The following ICE1 variants were observed in gnomAD, a reference collection of about 807,000 sequenced individuals.
ICE1 encodes interactor of little elongation complex ELL subunit 1.
In ICE1, 64 loss-of-function variants were observed where a neutral mutation model predicts 192.7. The ratio of observed to expected loss-of-function variants is 0.33; its 90% CI spans 0.27 to 0.41. The LOEUF (loss-of-function observed/expected upper bound fraction) is 0.41. Ranked by LOEUF, ICE1 falls within the 10% of genes least tolerant of loss-of-function variation. The pLI is 1.00. For missense variants in ICE1, 2,708 were observed against 2,696.0 expected (o/e 1.00, Z -0.10); for synonymous variants, 1,010 against 984.5 (o/e 1.03, Z -0.49).
chr5:5,445,318 G>A (rs186333526), intron 7 of ICE1, among the ~76,000 whole-genome samples: 3 of 152,310 alleles, frequency 2.0e-5, no homozygotes, highest in East Asian at 3.9e-4. Flanking sequence ...CAATATGGCA[G>A]TAAGAATGAT....
intron 10 of ICE1, among the ~76,000 whole-genome samples, chr5:5,454,034 T>C (rs946444861): frequency 1.3e-5 from 2 of 152,208 alleles, no homozygotes; most frequent in African/African-American, 4.8e-5. Flanking sequence ...CATTGATGGA[T>C]TACCTGTAAT....
At chr5:5,486,220 G>A (rs927388223) in intron 17 of ICE1, among the ~76,000 whole-genome samples, 10 of 152,180 alleles carry the variant, frequency 6.6e-5, no homozygotes, top group African/African-American at 1.4e-4. Flanking sequence ...CCCATTTAGC[G>A]AGGTGCCACT....
intron 5 of ICE1, 131 bp from the exon 6 acceptor site, chr5:5,443,037 A>G: frequency 1.8e-6 from 1 of 558,928 alleles, no homozygotes; most frequent in Non-Finnish European, 3.1e-6. Context: ...CTCTATTAAA[A>G]TATTCAGTGA....
At chr5:5,467,386 C>T (rs1235027108) in intron 14 of ICE1, among the ~76,000 whole-genome samples, 1 of 152,078 alleles carries the variant, frequency 6.6e-6, no homozygotes, top group Non-Finnish European at 1.5e-5. Flanking sequence ...GTGGGCTCGG[C>T]CAGGACCACG....
chr5:5,444,331 G>T lies in ICE1; in HGVS notation c.424+5G>T. The T allele has an allele frequency of 6.4e-7, 1 of 1,563,992 alleles. No individual in the cohort carries two copies. On this transcript the variant is annotated splice_donor_5th_base_variant and intron_variant, in intron 7 of 18. Coordinates refer to ENST00000296564, the MANE Select transcript of ICE1 (RefSeq NM_015325.3). ...CTAAGGTGAAGAAGCTGCAAGGTAA[G>T]TGGCACTATTGTTACCTGAAGTTTT...
chr5:5,462,539 A>G lies in ICE1; in HGVS notation c.3205A>G (p.Thr1069Ala). The change falls in exon 13 of 19, where the codon ACT becomes GCT. Residue 1069 changes from threonine (T) to alanine (A), a missense_variant. Around this residue, in one of 2 missense-constraint regions of ICE1, gnomAD observed 2,366 missense variants for 2,276.6 expected, o/e 1.04. Transcript: ENST00000296564. ...GCCTGAGTGTTTTGGCACCACAGACACTACTTTTTCTTCAGCATTTTGCAG... is the reference window on the plus strand; with the variant it reads ...GCCTGAGTGTTTTGGCACCACAGACGCTACTTTTTCTTCAGCATTTTGCAG... ...ALPECFGTTD[T>A]TFSSAFCRKH... is the part of the protein sequence containing the mutation. 6.2e-7 allele frequency: 1 copy of G among 1,614,038 alleles called. No individual in the cohort carries two copies. Among genetic ancestry groups the G allele is most frequent in the South Asian group, 1.1e-5 (1 of 91,074 alleles).
At position 5,422,904 on chromosome 5, in the gene ICE1, G is replaced by A; in HGVS notation, c.-12G>A. The A allele has an allele frequency of 1.4e-6, 2 of 1,381,278 alleles. No individual in the cohort carries two copies. The highest frequency in any genetic ancestry group is 1.6e-5 in the South Asian group (1 of 62,784). 85.6% of individuals were successfully genotyped at this position (1,381,278 alleles called of 1,614,324 possible). On this transcript the variant is annotated 5_prime_UTR_variant, in exon 1 of 19. Transcript: ENST00000296564. ...TGAGGCGTGCGTGCCCACCGGGCCCGGCGGCGGCACCATGATGCCGGGCGA... is the reference window on the plus strand; with the variant it reads ...TGAGGCGTGCGTGCCCACCGGGCCCAGCGGCGGCACCATGATGCCGGGCGA...
chr5:5,425,965 G>A (rs1218994337), intron 1 of ICE1, among the ~76,000 whole-genome samples: 4 of 152,218 alleles, frequency 2.6e-5, no homozygotes, highest in Non-Finnish European at 5.9e-5. Context: ...AAATGACCAT[G>A]AGAACTGTGG....
Position 5,439,930 on chromosome 5 carries a change from C to A in ICE1, c.197+17C>A. On this transcript the variant is annotated intron_variant, in intron 4 of 18. Transcript: ENST00000296564. ...TGCAAGAAGGTGAGCCAACCTGTTT[C>A]ATAGTTTATGATACCACCTATATGA... 1 of 1,540,550 alleles carries A rather than the reference C, an allele frequency of 6.5e-7. No homozygotes were observed. The highest frequency in any genetic ancestry group is 8.8e-7 in the Non-Finnish European group (1 of 1,138,360).
chr5:5,439,222 T>C (rs1434983804), intron 3 of ICE1, among the ~76,000 whole-genome samples: 1 of 152,202 alleles, frequency 6.6e-6, no homozygotes, highest in African/African-American at 2.4e-5. Context: ...GAATAAAATA[T>C]AGTTCTTGTT....
intron 14 of ICE1, among the ~76,000 whole-genome samples, chr5:5,467,551 A>G (rs1318407229): frequency 6.6e-6 from 1 of 151,720 alleles, no homozygotes. Context: ...ATTTTTCTTT[A>G]TTTGCCTTCC....
chr5:5,435,118 A>G (rs1737830025), intron 1 of ICE1, among the ~76,000 whole-genome samples: 1 of 152,218 alleles, frequency 6.6e-6, no homozygotes, highest in Non-Finnish European at 1.5e-5. Flanking sequence ...AAAAGGACCT[A>G]AACCTCCCTC....
intron 1 of ICE1, among the ~76,000 whole-genome samples, chr5:5,434,390 A>G (rs898801526): frequency 6.6e-6 from 1 of 152,234 alleles, no homozygotes; most frequent in Non-Finnish European, 1.5e-5. Context: ...TGTTACAACT[A>G]TTCACATAAC....
At chr5:5,480,205 T>A (rs1298950649) in intron 17 of ICE1, among the ~76,000 whole-genome samples, 1 of 152,124 alleles carries the variant, frequency 6.6e-6, no homozygotes, top group Non-Finnish European at 1.5e-5. Context: ...TTAGATACTT[T>A]GAAGATAATT....
In ICE1 at chr5:5,422,987, C is replaced by T. The variant is rs1274252488; in HGVS notation, c.72C>T (p.Ala24=). The T allele has an allele frequency of 4.8e-6, 7 of 1,447,046 alleles. No individual in the cohort carries two copies. In the South Asian group the frequency reaches 5.4e-5, roughly 11 times the overall value. The allele number at this position is 1,447,046 out of a possible 1,614,324, so 89.6% of individuals were successfully genotyped here. A position where few individuals can be genotyped will look rare whatever the true frequency, so the allele number is the denominator to read the frequency against. ...ACCTGTCGCGATGTCAGGGCTGCGCCTCTCTGCAGCAGGTGCAGCACCTCC... is the reference window on the plus strand; with the variant it reads ...ACCTGTCGCGATGTCAGGGCTGCGCTTCTCTGCAGCAGGTGCAGCACCTCC... ...AADLSRCQGC[A]SLQQNLNEYV... The change falls in exon 1 of 19, where the codon GCC becomes GCT. Residue 24 remains alanine, a synonymous_variant. Coordinates refer to ENST00000296564, the MANE Select transcript of ICE1 (RefSeq NM_015325.3).
Position 5,422,746 on chromosome 5 carries a change from G to T in ICE1, c.-170G>T. The stretch of plus-strand genomic sequence containing the variant: ...TAGTGCCTGAGGCAGCTCTGGCTCG[G>T]AGAGCCTTTTGCTAGCCCCACGGGG... On this transcript the variant is annotated 5_prime_UTR_variant, in exon 1 of 19. Transcript: ENST00000296564. 1 of 382,430 alleles carries T rather than the reference G, an allele frequency of 2.6e-6. No individual in the cohort carries two copies. Among genetic ancestry groups the T allele is most frequent in the Non-Finnish European group, 4.5e-6 (1 of 220,458 alleles). The allele number at this position is 382,430 out of a possible 1,614,324, so 23.7% of individuals were successfully genotyped here.
rs1737352394 is a variant in ICE1 at position 5,422,929 on chromosome 5, A to G, written c.14A>G (p.Glu5Gly). ...GGCGGCGGCACCATGATGCCGGGCG[A>G]GACCCATTCGGCGGCGCCCGGGACG... The part of the protein sequence containing the change: MMPG[E>G]THSAAPGTAA... Residue 5 changes from glutamate to glycine, a missense_variant, in exon 1 of 19, where the codon GAG (glutamate) becomes GGG (glycine). Glu to Gly is a moderately conservative substitution (Grantham distance 98). Transcript: ENST00000296564. 2 of 1,442,816 alleles carry G rather than the reference A, an allele frequency of 1.4e-6. No individual in the cohort carries two copies. The highest frequency in any genetic ancestry group is 1.8e-6 in the Non-Finnish European group (2 of 1,099,418). 89.4% of individuals were successfully genotyped at this position (1,442,816 alleles called of 1,614,324 possible).
intron 1 of ICE1, among the ~76,000 whole-genome samples, chr5:5,423,649 A>G (rs986739645): frequency 4.6e-5 from 7 of 152,148 alleles, no homozygotes; most frequent in African/African-American, 1.7e-4. Flanking sequence ...ATAAGGGAGA[A>G]TTGCTAGAGT....
chr5:5,476,676 C>G (rs1739322759), intron 17 of ICE1, among the ~76,000 whole-genome samples: 1 of 152,154 alleles, frequency 6.6e-6, no homozygotes, highest in Non-Finnish European at 1.5e-5. Flanking sequence ...CCTGTGAACT[C>G]AGAGCAAGAG....
Sources: allele counts gnomAD v4.1 joint callset (sites outside exome capture counted in the v4.1 genomes callset), GRCh38; gene constraint gnomAD v4.1.1; regional missense constraint gnomAD v4.1.1; transcripts MANE v1.5; gene names NCBI Gene and HGNC (gene_info 2026-07-23, HGNC 2026-07-21).